Variants in ITIH5 observed in about 807,000 individuals in gnomAD.
ITIH5 encodes the protein inter-alpha-trypsin inhibitor heavy chain 5, also known as inter-alpha-trypsin inhibitor heavy chain H5.
Under a neutral mutation model 77.5 loss-of-function variants are expected in ITIH5, and 65 were observed. That is an observed-to-expected ratio of 0.84 (90% CI 0.69 to 1.03). The LOEUF (loss-of-function observed/expected upper bound fraction) is 1.03. ITIH5 is among the 50% of genes least tolerant of loss of function. ITIH5 has a pLI of 0.00. For missense variants in ITIH5, 1,208 were observed against 1,213.1 expected (o/e 1.00, Z 0.06); for synonymous variants, 525 against 494.3 (o/e 1.06, Z -0.82).
At chr10:7,620,248 G>A (rs1291271120) in intron 5 of ITIH5, 1 of 151,970 alleles carries the variant, frequency 6.6e-6, no homozygotes, top group Admixed American at 6.6e-5. Flanking sequence ...AGTCAAACTT[G>A]GGATACCACA....
chr10:7,646,223 C>T (rs1383882152), intron 2 of ITIH5, among the ~76,000 whole-genome samples: 1 of 152,164 alleles, frequency 6.6e-6, no homozygotes, highest in African/African-American at 2.4e-5. Flanking sequence ...ATCCCACAAA[C>T]TCAGTATATT....
intron 7 of ITIH5, among the ~76,000 whole-genome samples, chr10:7,610,522 A>G (rs534318391): frequency 3.3e-5 from 5 of 152,382 alleles, no homozygotes; most frequent in Non-Finnish European, 5.9e-5. Context: ...AGGGGAGCCA[A>G]GAACATTGGG....
chr10:7,617,578 T>A (rs1833395005), intron 5 of ITIH5: 1 of 207,750 alleles, frequency 4.8e-6, no homozygotes, highest in African/African-American at 2.3e-5. Context: ...CATCAGCATG[T>A]TACCAACCTT....
chr10:7,633,645 G>C (rs994503828), intron 5 of ITIH5, among the ~76,000 whole-genome samples: 4 of 151,786 alleles, frequency 2.6e-5, no homozygotes, highest in Non-Finnish European at 2.9e-5. Context: ...AGGTTTCTCA[G>C]CTTCTTCATA....
At chr10:7,657,381 T>C (rs1834205814) in intron 1 of ITIH5, among the ~76,000 whole-genome samples, 1 of 152,106 alleles carries the variant, frequency 6.6e-6, no homozygotes. Context: ...CAAACTGTTT[T>C]CCAAAGTGGC....
chr10:7,644,710 T>A (rs1170249315), intron 2 of ITIH5, among the ~76,000 whole-genome samples: 1 of 139,586 alleles, frequency 7.2e-6, no homozygotes, highest in Admixed American at 7.5e-5. Context: ...CTATATCACA[T>A]ATATATCATA....
chr10:7,636,590 G>A (rs1219837051), intron 5 of ITIH5, among the ~76,000 whole-genome samples: 1 of 152,142 alleles, frequency 6.6e-6, no homozygotes, highest in East Asian at 1.9e-4. Flanking sequence ...TCTTTAGGCT[G>A]ATGGAATGTC....
intron 7 of ITIH5, among the ~76,000 whole-genome samples, chr10:7,593,328 C>A (rs1457948127): frequency 1.3e-5 from 2 of 151,942 alleles, no homozygotes; most frequent in Non-Finnish European, 2.9e-5. Context: ...AGGGGGCAGG[C>A]ACTGACTCCT....
At chr10:7,604,251 T>A (rs990631709) in intron 7 of ITIH5, among the ~76,000 whole-genome samples, 3 of 152,186 alleles carry the variant, frequency 2.0e-5, no homozygotes, top group Admixed American at 1.3e-4. Context: ...TATGTTGTCT[T>A]CCTGCATCAG....
chr10:7,582,032 T>C (rs112671920), intron 8 of ITIH5, among the ~76,000 whole-genome samples: 13,148 of 151,746 alleles, frequency 0.087, 1,514 homozygotes, highest in African/African-American at 0.26. Context: ...CACGCCACCA[T>C]GCCTGGCTAA....
At chr10:7,626,317 C>G (rs535330999) in intron 5 of ITIH5, among the ~76,000 whole-genome samples, 3 of 152,096 alleles carry the variant, frequency 2.0e-5, no homozygotes, top group South Asian at 4.2e-4. Flanking sequence ...TTGGGTTGAC[C>G]GTGCCACGCT....
intron 8 of ITIH5, among the ~76,000 whole-genome samples, chr10:7,581,629 TTAC>T (rs1832554301): frequency 6.6e-6 from 1 of 152,050 alleles, no homozygotes; most frequent in Non-Finnish European, 1.5e-5. Flanking sequence ...AGTTGTACAC[TTAC>T]TACATGTACA....
chr10:7,665,443 G>A (rs1458459697), intron 1 of ITIH5, among the ~76,000 whole-genome samples: 1 of 152,168 alleles, frequency 6.6e-6, no homozygotes, highest in Non-Finnish European at 1.5e-5. Flanking sequence ...AATGCATTCA[G>A]TCCTCACAAC....
intron 7 of ITIH5, among the ~76,000 whole-genome samples, chr10:7,603,728 C>CG (rs1483306809): frequency 6.6e-6 from 1 of 152,088 alleles, no homozygotes; most frequent in African/African-American, 2.4e-5. Flanking sequence ...GGACTACAGG[C>CG]CCCACCACCA....
intron 1 of ITIH5, among the ~76,000 whole-genome samples, chr10:7,662,856 T>C (rs1439235821): frequency 6.6e-6 from 1 of 152,238 alleles, no homozygotes; most frequent in Non-Finnish European, 1.5e-5. Flanking sequence ...AATCTTTCAC[T>C]GGCTTTGTTT....
intron 7 of ITIH5, among the ~76,000 whole-genome samples, chr10:7,592,894 C>T (rs1408245347): frequency 6.6e-6 from 1 of 152,044 alleles, no homozygotes; most frequent in African/African-American, 2.4e-5. Flanking sequence ...TGGGGCAGTG[C>T]TGGGGTGCTG....
At chr10:7,663,217 G>A (rs1834307516) in intron 1 of ITIH5, among the ~76,000 whole-genome samples, 1 of 152,202 alleles carries the variant, frequency 6.6e-6, no homozygotes, top group African/African-American at 2.4e-5. Flanking sequence ...TGTTGCAGCT[G>A]TCACTTCTCA....
At chr10:7,608,579 G>A (rs1309717959) in intron 7 of ITIH5, among the ~76,000 whole-genome samples, 5 of 152,146 alleles carry the variant, frequency 3.3e-5, no homozygotes, top group Non-Finnish European at 7.3e-5. Context: ...CACCATACCT[G>A]GCCTGGATCC....
intron 7 of ITIH5, among the ~76,000 whole-genome samples, chr10:7,597,044 CAAAA>C (rs71383924): frequency 2.2e-4 from 8 of 36,926 alleles, no homozygotes; most frequent in East Asian, 2.5e-3. Flanking sequence ...GTCTCCAACT[CAAAA>C]AAAAAAAAAA....
Sources: allele counts gnomAD v4.1 joint callset (sites outside exome capture counted in the v4.1 genomes callset), GRCh38; gene constraint gnomAD v4.1.1; transcripts MANE v1.5; gene names NCBI Gene and HGNC (gene_info 2026-07-23, HGNC 2026-07-21).